SAXO4: variants seen among roughly 807,000 people sequenced by gnomAD.
SAXO4 encodes stabilizer of axonemal microtubules 4, also known as protein phosphatase 1 regulatory subunit 32.
At chr11:61,482,663 C>T in the SAXO4 span, 3 of 1,614,044 alleles carry the variant, frequency 1.9e-6, no homozygotes, top group Admixed American at 1.7e-5. Context: ...AGGGAACAAG[C>T]CCAGGACCAT....
chr11:61,482,889 G>T, the SAXO4 span: 1 of 1,431,330 alleles, frequency 7.0e-7, no homozygotes, highest in Non-Finnish European at 9.2e-7. Context: ...GTTGGTCAAG[G>T]TGGAGGTGAC....
At chr11:61,484,501 G>A in the SAXO4 span, among the ~76,000 whole-genome samples, 5 of 152,126 alleles carry the variant, frequency 3.3e-5, no homozygotes, top group Non-Finnish European at 7.3e-5. Flanking sequence ...GGAGGACGTG[G>A]AATTCCCTGC....
the SAXO4 span, chr11:61,489,559 T>C: frequency 5.0e-6 from 3 of 602,112 alleles, no homozygotes; most frequent in South Asian, 2.0e-5. Flanking sequence ...ACTGAAACTG[T>C]CCTTTAACAC....
the SAXO4 span, chr11:61,490,629 G>A: frequency 9.8e-6 from 15 of 1,532,538 alleles, no homozygotes; most frequent in Non-Finnish European, 1.2e-5. Context: ...TGGTTGTGTG[G>A]GCAACCGTTA....
At chr11:61,488,210 C>T in the SAXO4 span, among the ~76,000 whole-genome samples, 1 of 151,750 alleles carries the variant, frequency 6.6e-6, no homozygotes, top group Non-Finnish European at 1.5e-5. Flanking sequence ...TGGTCTTGAA[C>T]TCCTGACCTC....
At chr11:61,482,346 G>T in the SAXO4 span, 4,866 of 1,614,156 alleles carry the variant, frequency 3.0e-3, 16 homozygotes, top group Non-Finnish European at 3.5e-3. Context: ...GGGCAGTCAC[G>T]TAGGCACCGG....
At chr11:61,489,642 G>A in the SAXO4 span, 10 of 842,248 alleles carry the variant, frequency 1.2e-5, no homozygotes, top group African/African-American at 1.7e-4. Flanking sequence ...AGTGGACGTG[G>A]GCTTAGGGAG....
At chr11:61,483,169 T>TC in the SAXO4 span, among the ~76,000 whole-genome samples, 1 of 141,518 alleles carries the variant, frequency 7.1e-6, no homozygotes. Context: ...TTTTTCTTTT[T>TC]TTTTTTTTTT....
chr11:61,484,824 G>A, the SAXO4 span: 6 of 1,571,136 alleles, frequency 3.8e-6, no homozygotes, highest in Middle Eastern at 2.0e-4. Flanking sequence ...CATGTGAGTG[G>A]CAGCCCAGCT....
the SAXO4 span, among the ~76,000 whole-genome samples, chr11:61,483,122 C>T: frequency 2.0e-5 from 3 of 152,004 alleles, no homozygotes; most frequent in South Asian, 2.1e-4. Context: ...CCACTGTCCC[C>T]CCACCATGGA....
At chr11:61,481,673 C>T in the SAXO4 span, 1 of 534,924 alleles carries the variant, frequency 1.9e-6, no homozygotes. Flanking sequence ...AGACAGAGGC[C>T]TGGGAGAAGG....
At chr11:61,484,673 C>T in the SAXO4 span, 1 of 1,612,812 alleles carries the variant, frequency 6.2e-7, no homozygotes, top group Non-Finnish European at 8.5e-7. Flanking sequence ...TGTAATTGGC[C>T]CTTCTTCCTC....
Sources: gnomAD v4.1 joint callset for allele counts (sites outside exome capture counted in the v4.1 genomes callset) on GRCh38, gnomAD v4.1.1 for gene constraint, MANE v1.5 for transcripts, NCBI Gene and HGNC (gene_info 2026-07-23, HGNC 2026-07-21) for gene names.